LAMA2: variants seen among roughly 807,000 people sequenced by gnomAD.
LAMA2 encodes laminin subunit alpha-2.
In LAMA2, 269 loss-of-function variants were observed where a neutral mutation model predicts 364.8. The ratio of observed to expected loss-of-function variants is 0.74; its 90% confidence interval spans 0.67 to 0.82. The LOEUF is 0.82. LAMA2 is among the 40% of genes least tolerant of loss of function. The pLI is 0.00. For missense variants in LAMA2, 3,807 were observed against 3,873.2 expected, an observed-to-expected ratio of 0.98 and a Z score of 0.45; for synonymous variants, 1,379 against 1,370.6, an observed-to-expected ratio of 1.01 and a Z score of -0.14.
At chr6:128,919,574 A>G (rs1349066655) in intron 1 of LAMA2, among the ~76,000 whole-genome samples, 2 of 152,234 alleles carry the variant, frequency 1.3e-5, no homozygotes, top group African/African-American at 4.8e-5. Flanking sequence ...CTTACAGCCA[A>G]CACAGTGATT....
chr6:129,291,815 G>T, intron 20 of LAMA2, 95 bp downstream of exon 20: 1 of 830,892 alleles, frequency 1.2e-6, no homozygotes, highest in Non-Finnish European at 2.0e-6. Flanking sequence ...ATATTAAAAG[G>T]AAGGTTTGGG....
intron 1 of LAMA2, among the ~76,000 whole-genome samples, chr6:128,920,437 T>G (rs111262242): frequency 0.021 from 3,168 of 152,238 alleles, 46 homozygotes; most frequent in Non-Finnish European, 0.028. Flanking sequence ...ATTACAGGCG[T>G]GAGCCACCGT....
At chr6:129,007,679 T>A (rs1240294306) in intron 1 of LAMA2, among the ~76,000 whole-genome samples, 1 of 152,144 alleles carries the variant, frequency 6.6e-6, no homozygotes, top group Non-Finnish European at 1.5e-5. Context: ...TCTAAGGAAC[T>A]TTTTTGTTCA....
chr6:129,385,597 G>A (rs1028688348), intron 35 of LAMA2, among the ~76,000 whole-genome samples: 4 of 152,052 alleles, frequency 2.6e-5, no homozygotes, highest in Non-Finnish European at 4.4e-5. Context: ...TCATGACCTC[G>A]TTATAGATAA....
chr6:129,192,994 T>A (rs1781621702), intron 12 of LAMA2, 141 bp downstream of exon 12: 1 of 921,946 alleles, frequency 1.1e-6, no homozygotes, highest in South Asian at 1.4e-5. Context: ...TCACATTGAG[T>A]TGGGCGTTTC....
chr6:129,293,053 G>A (rs1315061851), intron 20 of LAMA2: 11 of 985,792 alleles, frequency 1.1e-5, no homozygotes, highest in East Asian at 1.1e-4. Flanking sequence ...GGAGCCTATC[G>A]GGCCCCAGCT....
chr6:128,957,241 T>G (rs1325576888), intron 1 of LAMA2, among the ~76,000 whole-genome samples: 1 of 152,152 alleles, frequency 6.6e-6, no homozygotes, highest in Admixed American at 6.6e-5. Flanking sequence ...TCCAGTACTA[T>G]TCTATTTTTA....
chr6:129,421,479 C>T (rs1323330866), intron 40 of LAMA2, among the ~76,000 whole-genome samples: 1 of 151,836 alleles, frequency 6.6e-6, no homozygotes, highest in Non-Finnish European at 1.5e-5. Context: ...AGACACAGCT[C>T]AGGAACTCAG....
chr6:128,909,405 T>C (rs1366898709), intron 1 of LAMA2, among the ~76,000 whole-genome samples: 1 of 151,712 alleles, frequency 6.6e-6, no homozygotes, highest in Non-Finnish European at 1.5e-5. Flanking sequence ...CTTCTTTGTC[T>C]CTTTTGATCT....
rs1185347448 is a variant in LAMA2 at position 128,929,824 on chromosome 6, A to G, written c.112+46467A>G. On this transcript the variant is annotated intron_variant, in intron 1 of 64. Transcript: ENST00000421865. ...CACCCACAGAGTCTTGGTAGAAGAT[A>G]CGCAGTCCCTTGTAAGTGAAAAACT... is the stretch of plus-strand genomic sequence containing the variant. The G allele has an allele frequency of 3.8e-6, 4 of 1,045,064 alleles. No homozygotes were observed. In the African/African-American group the frequency reaches 6.2e-5, roughly 16 times the overall value. 64.7% of individuals were successfully genotyped at this position (1,045,064 alleles called of 1,614,324 possible).
In LAMA2 at chr6:129,291,257, C is replaced by T. The variant is rs1014149119; in HGVS notation, c.2750-357C>T. The stretch of plus-strand genomic sequence containing the variant: ...AGTCAAGAACTCCAAGTTCCTGTCA[C>T]GTTCTGGACTCACCTATATGACACA... On this transcript the variant is annotated intron_variant, in intron 19 of 64. Coordinates refer to ENST00000421865, the MANE Select transcript of LAMA2 (RefSeq NM_000426.4). Among the ~76,000 whole-genome samples the T allele has an allele frequency of 9.2e-5, 14 of 152,308 alleles. No individual in the cohort carries two copies. In the South Asian group the frequency reaches 2.5e-3, roughly 27 times the overall value.
At chr6:129,304,498 C>T (rs1773747870) in intron 22 of LAMA2, among the ~76,000 whole-genome samples, 2 of 152,160 alleles carry the variant, frequency 1.3e-5, no homozygotes, top group Admixed American at 6.5e-5. Context: ...CTCCTGACCT[C>T]GTGATCCGCC....
At position 129,009,634 on chromosome 6, in the gene LAMA2, C is replaced by T. The variant is rs144459695; in HGVS notation, c.113-40284C>T. ...TAGGTTCAGGGCCAGAGGACAAAAA[C>T]TGTTGAAATTGCCTTGATATAGATT... On this transcript the variant is annotated intron_variant, in intron 1 of 64. Transcript: ENST00000421865. Among the ~76,000 whole-genome samples, 675 of 152,264 alleles carry T rather than the reference C, an allele frequency of 4.4e-3. 4 individuals are homozygous for T. Among genetic ancestry groups the T allele is most frequent in the African/African-American group, 0.015 (644 of 41,556 alleles).
intron 1 of LAMA2, among the ~76,000 whole-genome samples, chr6:128,914,220 C>T (rs1778161534): frequency 1.3e-5 from 2 of 152,138 alleles, no homozygotes; most frequent in Admixed American, 1.3e-4. Flanking sequence ...CTCCCAAAAA[C>T]CAGCTGGTTC....
intron 42 of LAMA2, among the ~76,000 whole-genome samples, chr6:129,439,818 A>G (rs1782009925): frequency 7.8e-6 from 1 of 128,054 alleles, no homozygotes; most frequent in South Asian, 2.6e-4. Context: ...TGCTTGCATC[A>G]ATTGGTCATA....
Position 129,296,794 on chromosome 6 carries a change from T to A in LAMA2, c.2857-891T>A, listed in dbSNP as rs193152697. ...AATAATGTGACATGCTTTATATTTTTAAAAAATAACCCTGAAGTATTTTAA... is the reference window on the plus strand; with the variant it reads ...AATAATGTGACATGCTTTATATTTTAAAAAAATAACCCTGAAGTATTTTAA... On this transcript the variant is annotated intron_variant, in intron 20 of 64. Transcript: ENST00000421865. Among the ~76,000 whole-genome samples the A allele has an allele frequency of 8.3e-3, 1,265 of 152,256 alleles. 17 individuals carry two copies. Among genetic ancestry groups the A allele is most frequent in the African/African-American group, 0.029 (1,200 of 41,566 alleles).
intron 3 of LAMA2, among the ~76,000 whole-genome samples, chr6:129,096,147 C>T (rs1226839468): frequency 3.3e-5 from 5 of 152,140 alleles, no homozygotes; most frequent in Admixed American, 6.5e-5. Context: ...TAAAGACATT[C>T]TACGTGATGA....
intron 1 of LAMA2, among the ~76,000 whole-genome samples, chr6:129,029,593 A>G (rs1786084998): frequency 6.6e-6 from 1 of 152,006 alleles, no homozygotes; most frequent in Admixed American, 6.6e-5. Flanking sequence ...GAAAATGTAA[A>G]GGTGACTGAA....
chr6:129,105,681 G>C (rs932889210), intron 4 of LAMA2, among the ~76,000 whole-genome samples: 9 of 152,136 alleles, frequency 5.9e-5, no homozygotes, highest in Non-Finnish European at 1.2e-4. Flanking sequence ...AATGTGATAG[G>C]TTTTGGTGGA....
Sources: gnomAD v4.1 joint callset for allele counts (sites outside exome capture counted in the v4.1 genomes callset) on GRCh38, gnomAD v4.1.1 for gene constraint, MANE v1.5 for transcripts, NCBI Gene and HGNC (gene_info 2026-07-23, HGNC 2026-07-21) for gene names.